The following ERBB4 variants were observed in gnomAD, a reference collection of about 807,000 sequenced individuals.
ERBB4 encodes the protein receptor tyrosine-protein kinase erbB-4.
In ERBB4, 42 loss-of-function variants were observed where a neutral mutation model predicts 158.0. That is an observed-to-expected ratio of 0.27 (90% CI 0.21 to 0.34). The LOEUF (loss-of-function observed/expected upper bound fraction) is 0.34, where lower values mean the gene tolerates loss of function less well. Ranked by LOEUF, ERBB4 falls within the 10% of genes least tolerant of loss-of-function variation. The probability of loss-of-function intolerance (pLI) is 1.00; values close to 1 mark genes in which losing one functional copy is unlikely to be tolerated. For synonymous variants in ERBB4, 583 were observed against 558.7 expected, an observed-to-expected ratio of 1.04 and a Z score of -0.61; for missense variants, 1,333 against 1,624.1, an observed-to-expected ratio of 0.82 and a Z score of 3.08.
intron 1 of ERBB4, among the ~76,000 whole-genome samples, chr2:212,230,640 C>T (rs879570685): frequency 1.2e-4 from 18 of 152,094 alleles, no homozygotes; most frequent in African/African-American, 3.1e-4. Context: ...TATGACAGTG[C>T]GTATGGTTTT....
At chr2:212,441,627 G>T (rs2092255590) in intron 1 of ERBB4, among the ~76,000 whole-genome samples, 1 of 152,148 alleles carries the variant, frequency 6.6e-6, no homozygotes, top group African/African-American at 2.4e-5. Flanking sequence ...GTTGGATCAG[G>T]CTGAATTTAT....
chr2:211,950,330 T>C (rs899456211), intron 2 of ERBB4, among the ~76,000 whole-genome samples: 6 of 152,124 alleles, frequency 3.9e-5, no homozygotes, highest in Admixed American at 1.3e-4. Context: ...AAAACTTGCA[T>C]GTAAGACCTC....
At chr2:212,514,948 C>T (rs1691739641) in intron 1 of ERBB4, among the ~76,000 whole-genome samples, 1 of 152,138 alleles carries the variant, frequency 6.6e-6, no homozygotes, top group African/African-American at 2.4e-5. Flanking sequence ...GAAAGATTAA[C>T]AGCTTCTTGT....
intron 1 of ERBB4, among the ~76,000 whole-genome samples, chr2:212,330,410 G>A (rs191251313): frequency 3.3e-5 from 5 of 152,082 alleles, no homozygotes; most frequent in Admixed American, 3.3e-4. Flanking sequence ...CTTGAGCCTG[G>A]AAGCTGGAAA....
chr2:211,855,103 G>A (rs1472205517), intron 3 of ERBB4, among the ~76,000 whole-genome samples: 1 of 152,048 alleles, frequency 6.6e-6, no homozygotes, highest in African/African-American at 2.4e-5. Flanking sequence ...TAGTAATTAT[G>A]TTGGGAAGCT....
chr2:211,497,094 C>T (rs1211448490), intron 20 of ERBB4, among the ~76,000 whole-genome samples: 1 of 152,020 alleles, frequency 6.6e-6, no homozygotes, highest in Admixed American at 6.6e-5. Flanking sequence ...TGAATGCATG[C>T]ATGAGCAGAA....
chr2:211,543,977 A>T (rs958010175), intron 20 of ERBB4, among the ~76,000 whole-genome samples: 1 of 152,032 alleles, frequency 6.6e-6, no homozygotes, highest in Non-Finnish European at 1.5e-5. Flanking sequence ...GAGAATATGC[A>T]TGGAGAGACT....
chr2:211,883,169 C>A (rs1343691018), intron 3 of ERBB4, among the ~76,000 whole-genome samples: 1 of 152,068 alleles, frequency 6.6e-6, no homozygotes, highest in Non-Finnish European at 1.5e-5. Flanking sequence ...AAGCTGGAAA[C>A]CATCATTCTC....
chr2:212,439,531 GT>G (rs1428937127), intron 1 of ERBB4, among the ~76,000 whole-genome samples: 1 of 151,966 alleles, frequency 6.6e-6, no homozygotes, highest in Non-Finnish European at 1.5e-5. Flanking sequence ...GGTTACTAAG[GT>G]ATGAAATTCT....
chr2:212,019,006 T>A (rs1419101687), intron 2 of ERBB4, among the ~76,000 whole-genome samples: 1 of 152,090 alleles, frequency 6.6e-6, no homozygotes, highest in Non-Finnish European at 1.5e-5. Context: ...TGTCATCTTA[T>A]CTCTGACAGG....
chr2:211,670,425 A>G (rs2071795729), intron 14 of ERBB4, among the ~76,000 whole-genome samples: 1 of 152,208 alleles, frequency 6.6e-6, no homozygotes, highest in Non-Finnish European at 1.5e-5. Flanking sequence ...TTGGAGTTCT[A>G]AAAATGTATA....
intron 1 of ERBB4, among the ~76,000 whole-genome samples, chr2:212,527,753 T>G (rs189388496): frequency 2.0e-5 from 3 of 152,040 alleles, no homozygotes; most frequent in Admixed American, 2.0e-4. Context: ...GTGCACAATG[T>G]GCAGGTTAGT....
At chr2:211,922,077 G>C (rs1404773575) in intron 3 of ERBB4, among the ~76,000 whole-genome samples, 1 of 152,038 alleles carries the variant, frequency 6.6e-6, no homozygotes, top group African/African-American at 2.4e-5. Flanking sequence ...AAAAAACTTA[G>C]ACTAACATCA....
chr2:212,185,220 C>T (rs2125697909), intron 1 of ERBB4, among the ~76,000 whole-genome samples: 1 of 151,812 alleles, frequency 6.6e-6, no homozygotes, highest in Admixed American at 6.6e-5. Flanking sequence ...CAAGGTTTTG[C>T]CATGTTGACC....
At chr2:211,492,183 A>C (rs1293593418) in intron 20 of ERBB4, among the ~76,000 whole-genome samples, 2 of 152,156 alleles carry the variant, frequency 1.3e-5, no homozygotes, top group African/African-American at 4.8e-5. Context: ...CCTGGAACAA[A>C]AGTAGTTTCA....
chr2:212,015,084 ATATATATATATATATATATATATATAT>A (rs2076492452), intron 2 of ERBB4, among the ~76,000 whole-genome samples: 1 of 44,568 alleles, frequency 2.2e-5, no homozygotes, highest in African/African-American at 9.0e-5. Context: ...ATATATATAT[ATATATATATATATATATATATATATAT>A]AAAAATTAGC....
chr2:212,501,080 ACT>A (rs1690863045), intron 1 of ERBB4, among the ~76,000 whole-genome samples: 1 of 152,068 alleles, frequency 6.6e-6, no homozygotes, highest in Non-Finnish European at 1.5e-5. Flanking sequence ...AAGCTACACA[ACT>A]CTCTCTTCAG....
At chr2:211,701,729 C>T (rs2073254395) in intron 12 of ERBB4, among the ~76,000 whole-genome samples, 1 of 126,618 alleles carries the variant, frequency 7.9e-6, no homozygotes, top group Non-Finnish European at 1.5e-5. Context: ...GCACTCTAGC[C>T]TGGGGCAACA....
intron 1 of ERBB4, among the ~76,000 whole-genome samples, chr2:212,509,912 A>G (rs1691413008): frequency 6.6e-6 from 1 of 151,860 alleles, no homozygotes. Flanking sequence ...TGTAGTCTTC[A>G]GACTACTTTC....
Sources: gnomAD v4.1 joint callset for allele counts (sites outside exome capture counted in the v4.1 genomes callset) on GRCh38, gnomAD v4.1.1 for gene constraint, MANE v1.5 for transcripts, NCBI Gene and HGNC (gene_info 2026-07-23, HGNC 2026-07-21) for gene names.